PER2: variants seen among roughly 807,000 people sequenced by gnomAD.
The protein encoded by PER2 is period circadian regulator 2, also known as period circadian protein homolog 2.
A neutral mutation model predicts 121.0 loss-of-function variants in PER2; 66 were observed. The observed-to-expected ratio is 0.55, with a 90% CI of 0.45 to 0.67. The LOEUF is 0.67. Among genes scored for constraint, PER2 ranks in the 30% least tolerant of loss-of-function variants. The probability of loss-of-function intolerance (pLI) is 0.00; values close to 1 mark genes in which losing one functional copy is unlikely to be tolerated. For synonymous variants in PER2, 684 were observed against 659.9 expected, an observed-to-expected ratio of 1.04 and a Z score of -0.56; for missense variants, 1,521 against 1,635.0, an observed-to-expected ratio of 0.93 and a Z score of 1.20.
At chr2:238,265,263 C>T (rs548573988) in intron 9 of PER2, among the ~76,000 whole-genome samples, 15 of 152,258 alleles carry the variant, frequency 9.9e-5, no homozygotes, top group African/African-American at 2.6e-4. Context: ...TTATCCACTC[C>T]GAATGGGTTT....
intron 6 of PER2, among the ~76,000 whole-genome samples, chr2:238,270,863 C>A (rs888476910): frequency 6.6e-6 from 1 of 152,220 alleles, no homozygotes. Flanking sequence ...GTCTGTATAC[C>A]CAAAGCCAGC....
At chr2:238,265,657 C>T in intron 8 of PER2, 67 bp from the exon 9 acceptor site, 2 of 1,004,940 alleles carry the variant, frequency 2.0e-6, no homozygotes, top group South Asian at 2.6e-5. Context: ...TATATTAAAA[C>T]TACCAGAAAA....
upstream of PER2, among the ~76,000 whole-genome samples, chr2:238,291,395 C>T (rs1696947882): frequency 6.6e-6 from 1 of 152,252 alleles, no homozygotes; most frequent in African/African-American, 2.4e-5. Flanking sequence ...CTCATTCACT[C>T]ATGCACCCAG....
intron 2 of PER2, 101 bp from the exon 3 acceptor site, chr2:238,277,294 G>A: frequency 2.4e-6 from 2 of 832,144 alleles, no homozygotes; most frequent in Non-Finnish European, 4.2e-6. Flanking sequence ...ATAATACCAT[G>A]GTAAGACAAT....
chr2:238,259,471 G>A (rs552024413), intron 14 of PER2, among the ~76,000 whole-genome samples: 157 of 152,356 alleles, frequency 1.0e-3, no homozygotes, highest in African/African-American at 3.5e-3. Flanking sequence ...GTGGGGGTGG[G>A]TCGGCAGCCC....
intron 14 of PER2, among the ~76,000 whole-genome samples, chr2:238,259,544 G>A (rs1695863461): frequency 6.6e-6 from 1 of 152,238 alleles, no homozygotes; most frequent in African/African-American, 2.4e-5. Flanking sequence ...TGGGCAAACC[G>A]TCGGCAGTTG....
chr2:238,267,993 C>G (rs1696159983), intron 8 of PER2, 63 bp downstream of exon 8: 31 of 1,582,914 alleles, frequency 2.0e-5, no homozygotes, highest in Non-Finnish European at 2.7e-5. Context: ...ATGTGTGAAC[C>G]ACAGGAGTAA....
chr2:238,259,461 G>A (rs1224193547), intron 14 of PER2, among the ~76,000 whole-genome samples: 1 of 152,246 alleles, frequency 6.6e-6, no homozygotes, highest in Non-Finnish European at 1.5e-5. Flanking sequence ...GGCTGCTGCA[G>A]TGGGGGTGGG....
chr2:238,275,492 C>T (rs1383069479), intron 4 of PER2, among the ~76,000 whole-genome samples: 1 of 152,166 alleles, frequency 6.6e-6, no homozygotes, highest in Non-Finnish European at 1.5e-5. Context: ...AGTTCGAGAC[C>T]AGCCTGGGCA....
rs746739698 is a variant in PER2 at position 238,253,009 on chromosome 2, C to A, written c.3014G>T (p.Gly1005Val). 1.9e-6 allele frequency: 3 copies of A among 1,613,828 alleles called. No homozygotes were observed. Among genetic ancestry groups the A allele is most frequent in the African/African-American group, 2.7e-5 (2 of 74,934 alleles). ...TGTGGCCCCTGTGGTCCCCATGGCT[C>A]CAGTGCCACCCTCAGGGGCTTCCTC... ...QLEEAPEGGT[G>V]AMGTTGATET... Residue 1005 changes from glycine to valine, a missense_variant, in exon 19 of 23, where the codon GGA becomes GTA. Physicochemically the swap from Gly to Val is moderately radical, Grantham distance 109. Coordinates refer to ENST00000254657, the MANE Select transcript of PER2 (RefSeq NM_022817.3). The surrounding 1 kb of genome is among the most constrained non-coding windows in gnomAD (Gnocchi z 5.6).
At chr2:238,262,469 T>C (rs1348595046) in intron 10 of PER2, 125 bp from the exon 11 acceptor site, 1 of 872,192 alleles carries the variant, frequency 1.1e-6, no homozygotes, top group Non-Finnish European at 1.8e-6. Context: ...TGAACACTTC[T>C]TCAAAGCCAC....
chr2:238,263,809 G>T (rs1574849000), intron 9 of PER2, among the ~76,000 whole-genome samples: 1 of 152,104 alleles, frequency 6.6e-6, no homozygotes, highest in East Asian at 1.9e-4. Context: ...TCAAGGGCCT[G>T]GCGTTATTCT....
Position 238,268,975 on chromosome 2 carries a change from C to G in PER2, c.773-1G>C. 6.2e-7 allele frequency: 1 copy of G among 1,609,570 alleles called. No homozygotes were observed. The highest frequency in any genetic ancestry group is 8.5e-7 in the Non-Finnish European group (1 of 1,175,808). On this transcript the variant is annotated splice_acceptor_variant, in intron 6 of 22. Transcript: ENST00000254657. LOFTEE classifies it high-confidence loss of function. The surrounding 1 kb of genome is among the most constrained non-coding windows in gnomAD (Gnocchi z 4.0). ...TCCATGCATTCTTGAGTAAAAGAAT[C>G]TAAAAGAGAGAGCCCAAAGTCATTC...
chr2:238,258,634 A>T lies in PER2; in HGVS notation c.1638T>A (p.Thr546=), dbSNP rs1392409701. The T allele has an allele frequency of 1.4e-5, 22 of 1,613,884 alleles. No individual in the cohort carries two copies. The highest frequency in any genetic ancestry group is 1.8e-5 in the Non-Finnish European group (21 of 1,179,994). ...QKKKSVTEMQ[T]NPPAEKKAVP... ...CAGCTTTCTTCTCAGCTGGGGGATT[A>T]GTTTGCATTTCTGAAGGAATGGCAA... Residue 546 remains threonine (T), a synonymous_variant, in exon 15 of 23, where the codon ACT becomes ACA. Transcript: ENST00000254657.
chr2:238,251,800 C>T (rs112266749), intron 19 of PER2, 39 bp from the exon 20 acceptor site: 12 of 1,085,814 alleles, frequency 1.1e-5, no homozygotes, highest in African/African-American at 1.1e-4. Context: ...TTCAGGGGCT[C>T]AGTCAGGACA....
In PER2 at chr2:238,246,380, T is replaced by C. The variant is rs1695449141; in HGVS notation, c.3763A>G (p.Thr1255Ala). 2 of 1,607,238 alleles carry C rather than the reference T, an allele frequency of 1.2e-6. No individual in the cohort carries two copies. The highest frequency in any genetic ancestry group is 1.1e-5 in the South Asian group (1 of 90,230). ...SPLNHRIEEQT is the reference protein window; with the variant it reads ...SPLNHRIEEQA Reference sequence around the variant, plus strand: ...GGGCTGAGGTGGGGCAGGGGTTACGTCTGCTCTTCGATCCTGTGATTCAAG... The same window carrying C: ...GGGCTGAGGTGGGGCAGGGGTTACGCCTGCTCTTCGATCCTGTGATTCAAG... Residue 1255 changes from threonine (T) to alanine (A), a missense_variant, in exon 23 of 23, where the codon ACG (threonine) becomes GCG (alanine). Transcript: ENST00000254657.
At chr2:238,274,944 G>A (rs1344162248) in intron 4 of PER2, among the ~76,000 whole-genome samples, 1 of 152,138 alleles carries the variant, frequency 6.6e-6, no homozygotes, top group Non-Finnish European at 1.5e-5. Flanking sequence ...TGGCTCAAGG[G>A]ACCCCAGAGA....
Position 238,251,586 on chromosome 2 carries a change from A to G in PER2, c.3274+13T>C. On this transcript the variant is annotated intron_variant, in intron 20 of 22. Coordinates refer to ENST00000254657, the MANE Select transcript of PER2 (RefSeq NM_022817.3). The stretch of plus-strand genomic sequence containing the variant: ...CCTCCCAAGTGCCTAACACCCCGCC[A>G]GGGCCAACATACCTGCCCCACTCGG... 1 of 1,613,250 alleles carries G rather than the reference A, an allele frequency of 6.2e-7. No individual in the cohort carries two copies. Among genetic ancestry groups the G allele is most frequent in the South Asian group, 1.1e-5 (1 of 91,066 alleles).
At chr2:238,276,464 G>C (rs957781312) in intron 3 of PER2, among the ~76,000 whole-genome samples, 1 of 152,244 alleles carries the variant, frequency 6.6e-6, no homozygotes, top group South Asian at 2.1e-4. Context: ...CCCATAGTCT[G>C]GTGCAGTGGA....
Sources: allele counts gnomAD v4.1 joint callset (sites outside exome capture counted in the v4.1 genomes callset), GRCh38; gene constraint gnomAD v4.1.1; non-coding constraint Gnocchi (gnomAD v3.1); transcripts MANE v1.5; gene names NCBI Gene and HGNC (gene_info 2026-07-23, HGNC 2026-07-21).